Variants in KIAA0319 observed in about 807,000 individuals in gnomAD.
The protein encoded by KIAA0319 is KIAA0319, also known as dyslexia-associated protein KIAA0319.
Under a neutral mutation model 108.4 loss-of-function variants are expected in KIAA0319, and 83 were observed. The observed-to-expected ratio is 0.77, with a 90% CI of 0.64 to 0.92. The LOEUF is 0.92. Ranked by LOEUF, KIAA0319 falls within the 40% of genes least tolerant of loss-of-function variation. The pLI is 0.00. For missense variants in KIAA0319, 1,195 were observed against 1,322.4 expected (o/e 0.90, Z 1.49); for synonymous variants, 484 against 510.4 (o/e 0.95, Z 0.70).
chr6:24,643,959 C>G (rs1486879913), intron 1 of KIAA0319, among the ~76,000 whole-genome samples: 2 of 152,264 alleles, frequency 1.3e-5, no homozygotes, highest in Non-Finnish European at 2.9e-5. Context: ...ACCCTCTGAC[C>G]TGGCAATCTG....
chr6:24,601,915 CA>C (rs1488398524), intron 1 of KIAA0319, among the ~76,000 whole-genome samples: 2 of 152,022 alleles, frequency 1.3e-5, no homozygotes, highest in African/African-American at 4.8e-5. Context: ...GATTGTCGGT[CA>C]AAGTTCTATT....
intron 10 of KIAA0319, among the ~76,000 whole-genome samples, chr6:24,575,310 G>A (rs1165510042): frequency 6.6e-6 from 1 of 152,162 alleles, no homozygotes; most frequent in Non-Finnish European, 1.5e-5. Context: ...TGCATGGATG[G>A]ATTTTGGAGT....
intron 1 of KIAA0319, among the ~76,000 whole-genome samples, chr6:24,623,740 A>G (rs1471829714): frequency 6.6e-6 from 1 of 152,220 alleles, no homozygotes; most frequent in Non-Finnish European, 1.5e-5. Flanking sequence ...ATAGTTAACA[A>G]TAATTTATTG....
intron 1 of KIAA0319, among the ~76,000 whole-genome samples, chr6:24,602,189 G>A (rs1456369998): frequency 6.6e-6 from 1 of 152,044 alleles, no homozygotes; most frequent in Non-Finnish European, 1.5e-5. Context: ...GCTAATTTTT[G>A]TATTTTTAGT....
intron 1 of KIAA0319, among the ~76,000 whole-genome samples, chr6:24,630,681 G>GTATATATATATATA (rs781623420): frequency 1.9e-5 from 1 of 51,992 alleles, no homozygotes; most frequent in African/African-American, 9.4e-5. Context: ...GTGTGTATAT[G>GTATATATATATATA]TGTATATATA....
At position 24,553,292 on chromosome 6, in the gene KIAA0319, T is replaced by TAC. The variant is rs1387377002; in HGVS notation, c.2948+1248_2948+1249insGT. ...TGAGATAGATATATATATATATATA[T>TAC]ATACACACACACACACACACACACA... On this transcript the variant is annotated intron_variant, in intron 19 of 20. Coordinates refer to ENST00000378214, the MANE Select transcript of KIAA0319 (RefSeq NM_014809.4). Among the ~76,000 whole-genome samples, 256 of 95,012 alleles carry TAC rather than the reference T, an allele frequency of 2.7e-3. 2 individuals are homozygous for TAC. Among genetic ancestry groups the TAC allele is most frequent in the Middle Eastern group, 0.01 (2 of 198 alleles). The allele number at this position is 95,012 out of a possible 152,430, so 62.3% of individuals were successfully genotyped here. A position where few individuals can be genotyped will look rare whatever the true frequency, so the allele number is the denominator to read the frequency against.
intron 1 of KIAA0319, among the ~76,000 whole-genome samples, chr6:24,618,186 G>A (rs1481955181): frequency 2.6e-5 from 4 of 152,002 alleles, no homozygotes; most frequent in Admixed American, 6.6e-5. Context: ...TAAACCCCAG[G>A]GGGAGAAATT....
rs1766229950 is a variant in KIAA0319, at chr6:24,579,959, A to G, written c.1280-9T>C. 6.3e-7 allele frequency: 1 copy of G among 1,579,478 alleles called. No homozygotes were observed. The highest frequency in any genetic ancestry group is 8.6e-7 in the Non-Finnish European group (1 of 1,160,146). On this transcript the variant is annotated splice_polypyrimidine_tract_variant and intron_variant, in intron 7 of 20. Transcript: ENST00000378214. The stretch of plus-strand genomic sequence containing the variant: ...CAGGTTGACTCTTCTGGCTGTAACA[A>G]AAAAAAGGACAGTGACTGAGCCCAT...
intron 8 of KIAA0319, among the ~76,000 whole-genome samples, chr6:24,579,412 G>GATTATATATATATATATATATATATATAT (rs1766042061): frequency 1.6e-5 from 2 of 127,254 alleles, no homozygotes; most frequent in African/African-American, 6.4e-5. Context: ...TCTATATAAA[G>GATTATATATATATATATATATATATATAT]ATATATATAT....
At chr6:24,567,017 C>A (rs190917426) in intron 13 of KIAA0319, among the ~76,000 whole-genome samples, 16 of 152,230 alleles carry the variant, frequency 1.1e-4, no homozygotes, top group Admixed American at 9.2e-4. Context: ...TATTGTTATA[C>A]CTTTTCTGTC....
chr6:24,599,258 T>C lies in KIAA0319; in HGVS notation c.55+1791A>G, dbSNP rs1582154766. On this transcript the variant is annotated intron_variant, in intron 2 of 20. Coordinates refer to ENST00000378214, the MANE Select transcript of KIAA0319 (RefSeq NM_014809.4). This position sits in a 1 kb window ranked among gnomAD's most constrained non-coding sequence, Gnocchi z 4.1. ...GGAAGCACAGGGATGACCTGTGTTA[T>C]ACAAAGATGGAGATCTCTGAGATGA... is the stretch of plus-strand genomic sequence containing the variant. The C allele has an allele frequency of 4.0e-6, 2 of 498,784 alleles. No homozygotes were observed. The highest frequency in any genetic ancestry group is 3.9e-5 in the East Asian group (1 of 25,666). The allele number at this position is 498,784 out of a possible 1,614,324, so 30.9% of individuals were successfully genotyped here.
intron 16 of KIAA0319, among the ~76,000 whole-genome samples, chr6:24,560,713 A>G (rs922720744): frequency 6.6e-6 from 1 of 152,166 alleles, no homozygotes; most frequent in African/African-American, 2.4e-5. Flanking sequence ...CGGTCGTTAC[A>G]TGGTGTTCTT....
intron 17 of KIAA0319, among the ~76,000 whole-genome samples, chr6:24,558,245 T>C (rs1029217335): frequency 6.6e-6 from 1 of 151,552 alleles, no homozygotes; most frequent in African/African-American, 2.4e-5. Context: ...TAAGCCATGA[T>C]GGCTAAGGCC....
At chr6:24,573,820 C>A (rs1178810063) in intron 10 of KIAA0319, among the ~76,000 whole-genome samples, 1 of 151,964 alleles carries the variant, frequency 6.6e-6, no homozygotes, top group Non-Finnish European at 1.5e-5. Flanking sequence ...GTTTTGTAAT[C>A]AAAAATAATT....
At chr6:24,580,311 T>TCCCCCCCCCCCCCCCCCCCCCC (rs553867582) in intron 7 of KIAA0319, among the ~76,000 whole-genome samples, 1 of 133,146 alleles carries the variant, frequency 7.5e-6, no homozygotes, top group Non-Finnish European at 1.6e-5. Context: ...TGAAGGCAAC[T>TCCCCCCCCCCCCCCCCCCCCCC]CCCCCCCCCA....
chr6:24,600,770 T>G (rs569554513), intron 2 of KIAA0319: 3 of 908,950 alleles, frequency 3.3e-6, no homozygotes, highest in Non-Finnish European at 5.0e-6. Context: ...CAGCCAGATC[T>G]AGTATGCAAT....
At chr6:24,588,080 C>A (rs1443972090) in intron 4 of KIAA0319, among the ~76,000 whole-genome samples, 1 of 152,212 alleles carries the variant, frequency 6.6e-6, no homozygotes, top group Non-Finnish European at 1.5e-5. Context: ...GTCCCGTGAG[C>A]TCTTGTACTT....
At chr6:24,616,623 A>T (rs1200550480) in intron 1 of KIAA0319, among the ~76,000 whole-genome samples, 2 of 152,220 alleles carry the variant, frequency 1.3e-5, no homozygotes, top group Admixed American at 6.5e-5. Flanking sequence ...AAGTGCTGGG[A>T]TTACAGGCAT....
rs963889019 is a variant in KIAA0319 at position 24,569,966 on chromosome 6, G to C, written c.1928C>G (p.Thr643Ser). The C allele has an allele frequency of 6.2e-7, 1 of 1,614,018 alleles. No individual in the cohort carries two copies. Among genetic ancestry groups the C allele is most frequent in the African/African-American group, 1.3e-5 (1 of 74,936 alleles). ...KELIFPVESA[T>S]LDGSSSSDDH... ...ATCGCTGCTGCTGCTCCCATCCAGG[G>C]TAGCACTTTCCACTGGGAAGATCAG... Residue 643 changes from threonine to serine, a missense_variant, in exon 12 of 21, where the codon ACC (threonine) becomes AGC (serine). Thr to Ser is a moderately conservative substitution (Grantham distance 58). Transcript: ENST00000378214.
Sources: allele counts gnomAD v4.1 joint callset (sites outside exome capture counted in the v4.1 genomes callset), GRCh38; gene constraint gnomAD v4.1.1; non-coding constraint Gnocchi (gnomAD v3.1); transcripts MANE v1.5; gene names NCBI Gene and HGNC (gene_info 2026-07-23, HGNC 2026-07-21).